The following SNURF variants were observed in gnomAD, a reference collection of about 807,000 sequenced individuals.
The protein encoded by SNURF is SNURF protein.
SNURF carries 6 observed loss-of-function variants against 11.6 expected under a neutral mutation model. The ratio of observed to expected loss-of-function variants is 0.52; its 90% CI spans 0.28 to 1.02. The LOEUF is 1.02. Ranked by LOEUF, SNURF falls within the 50% of genes least tolerant of loss-of-function variation. The pLI, the probability that SNURF is intolerant of heterozygous loss-of-function variation, is 0.09. For missense variants in SNURF, 84 were observed against 88.4 expected (o/e 0.95, Z 0.20); for synonymous variants, 29 against 31.6 (o/e 0.92, Z 0.27).
downstream of SNURF, chr15:24,978,153 C>A: frequency 6.3e-7 from 1 of 1,594,652 alleles, no homozygotes. Flanking sequence ...TTTTCTAAGC[C>A]ATTTTATGAG....
In SNURF at chr15:24,974,779, A is replaced by G. The variant is rs185463715; in HGVS notation, c.*46-579A>G. On this transcript the variant is annotated intron_variant and NMD_transcript_variant, in intron 3 of 6. Coordinates refer to the SNURF transcript ENST00000580062. ...TCACTGTGTTGGCCAGGCTGGTCTC[A>G]GGCTCCTGACCTCTGGTGATCCACC... is the stretch of plus-strand genomic sequence containing the variant. 15 of 617,770 alleles carry G rather than the reference A, an allele frequency of 2.4e-5. No individual in the cohort carries two copies. The East Asian group carries it at 4.1e-4, about 17-fold the overall frequency. The allele number at this position is 617,770 out of a possible 1,614,324, so 38.3% of individuals were successfully genotyped here.
exon 3 of SNURF, chr15:24,968,140 G>A (rs999775998): frequency 1.3e-4 from 135 of 1,009,828 alleles, no homozygotes; most frequent in African/African-American, 2.1e-4. Context: ...TGGGGTGTTG[G>A]GGGTTCTCTT....
In SNURF at chr15:24,963,506, T is replaced by C. The variant is rs557748440; in HGVS notation, c.110+1297T>C. Among the ~76,000 whole-genome samples the C allele has an allele frequency of 5.3e-5, 8 of 151,890 alleles. No homozygotes were observed. In the South Asian group the frequency reaches 1.5e-3, roughly 28 times the overall value. ...GGCACGTGCCTGTAATCCCAGCTAC[T>C]TGGGAGGCTGAGGCAGGAGAATTGT... On this transcript the variant is annotated intron_variant, in intron 2 of 2. Coordinates refer to ENST00000577949, the Ensembl canonical transcript of SNURF.
intron 3 of SNURF, chr15:24,974,847 A>T: frequency 2.9e-6 from 2 of 693,162 alleles, no homozygotes; most frequent in Non-Finnish European, 5.3e-6. Context: ...GCATGAGATG[A>T]GCCACTGTGC....
downstream of SNURF, among the ~76,000 whole-genome samples, chr15:24,970,603 T>C (rs75930233): frequency 2.5e-3 from 375 of 152,260 alleles, 5 homozygotes; most frequent in African/African-American, 8.8e-3. Flanking sequence ...GTTATGAATA[T>C]TCTGTTTTTC....
At chr15:24,955,056 G>C (rs1172109294) in exon 1 of SNURF, 2 of 1,613,322 alleles carry the variant, frequency 1.2e-6, no homozygotes, top group Non-Finnish European at 1.7e-6. Flanking sequence ...GCGATGGAGC[G>C]GGCAAGGTCA....
chr15:24,965,596 T>G (rs149302912), intron 2 of SNURF, among the ~76,000 whole-genome samples: 32 of 152,300 alleles, frequency 2.1e-4, no homozygotes, highest in Non-Finnish European at 4.0e-4. Flanking sequence ...TGTCTTTCAG[T>G]GTATTTGTCA....
At chr15:24,957,161 CCTT>C (rs1379244596) in intron 1 of SNURF, among the ~76,000 whole-genome samples, 2 of 152,096 alleles carry the variant, frequency 1.3e-5, no homozygotes, top group African/African-American at 2.4e-5. Context: ...ATTCAGTTAT[CCTT>C]CTTAATCTCT....
At chr15:24,971,419 C>T (rs2076387789), downstream of SNURF, among the ~76,000 whole-genome samples, 2 of 152,128 alleles carry the variant, frequency 1.3e-5, no homozygotes, top group Non-Finnish European at 2.9e-5. Flanking sequence ...TGAGAGAGAA[C>T]TGTTTCTAAA....
At chr15:24,973,246 T>C (rs2076660906), downstream of SNURF, among the ~76,000 whole-genome samples, 1 of 152,108 alleles carries the variant, frequency 6.6e-6, no homozygotes, top group South Asian at 2.1e-4. Flanking sequence ...AGTAACATGA[T>C]ATACAGGTTT....
At chr15:24,976,469 A>G in intron 5 of SNURF, 2 of 1,173,336 alleles carry the variant, frequency 1.7e-6, no homozygotes, top group Non-Finnish European at 2.5e-6. Context: ...ACATCATATT[A>G]TGTGAGATGT....
At chr15:24,956,128 TAAG>T (rs2062824696) in intron 1 of SNURF, among the ~76,000 whole-genome samples, 2 of 152,250 alleles carry the variant, frequency 1.3e-5, no homozygotes, top group East Asian at 1.9e-4. Context: ...GGCTATGGCA[TAAG>T]AAGACTGGAA....
At chr15:24,963,753 G>A (rs1326537254) in intron 2 of SNURF, among the ~76,000 whole-genome samples, 1 of 151,964 alleles carries the variant, frequency 6.6e-6, no homozygotes, top group Non-Finnish European at 1.5e-5. Flanking sequence ...TATGTGAAAA[G>A]TTGAGCTGGA....
chr15:24,974,950 A>C, intron 3 of SNURF: 1 of 702,864 alleles, frequency 1.4e-6, no homozygotes, highest in Non-Finnish European at 2.6e-6. Flanking sequence ...CAGATGATGG[A>C]CTCTCAGGTC....
intron 3 of SNURF, chr15:24,974,449 C>A (rs1281079151): frequency 6.2e-7 from 1 of 1,613,576 alleles, no homozygotes; most frequent in South Asian, 1.1e-5. Context: ...GGTGGAACAG[C>A]AATCATGGTA....
At chr15:24,961,184 T>TAGAAA (rs1298319676) in intron 1 of SNURF, among the ~76,000 whole-genome samples, 1 of 152,228 alleles carries the variant, frequency 6.6e-6, no homozygotes, top group Non-Finnish European at 1.5e-5. Flanking sequence ...GTATAAAATT[T>TAGAAA]TACCATTTAG....
intron 2 of SNURF, 104 bp from the exon 3 acceptor site, chr15:24,967,828 A>AAT: frequency 9.8e-6 from 8 of 819,912 alleles, no homozygotes; most frequent in South Asian, 1.6e-5. Context: ...AAAAAAAAAA[A>AAT]GGAATATCTT....
chr15:24,973,864 C>G (rs1275705691), intron 3 of SNURF, among the ~76,000 whole-genome samples: 3 of 152,120 alleles, frequency 2.0e-5, no homozygotes, highest in African/African-American at 7.2e-5. Flanking sequence ...TACCTGCCAT[C>G]ATCTTGAAGC....
chr15:24,975,429 A>G (rs567291118), exon 4 of SNURF: 1 of 1,613,444 alleles, frequency 6.2e-7, no homozygotes, highest in South Asian at 1.1e-5. Flanking sequence ...AAGATGGCCG[A>G]ATCTTCATTG....
Sources: gnomAD v4.1 joint callset for allele counts (sites outside exome capture counted in the v4.1 genomes callset) on GRCh38, gnomAD v4.1.1 for gene constraint, MANE v1.5 for transcripts, NCBI Gene and HGNC (gene_info 2026-07-23, HGNC 2026-07-21) for gene names.